CCSER1: variants seen among roughly 807,000 people sequenced by gnomAD.
CCSER1 encodes the protein coiled-coil serine rich protein 1.
CCSER1 carries 41 observed loss-of-function variants against 82.0 expected under a neutral mutation model. That is an observed-to-expected ratio of 0.50 (90% CI 0.39 to 0.65). The LOEUF is 0.65. Ranked by LOEUF, CCSER1 falls within the 30% of genes least tolerant of loss-of-function variation. The pLI is 0.00. For missense variants in CCSER1, 1,119 were observed against 1,064.2 expected (o/e 1.05, Z -0.72); for synonymous variants, 414 against 383.9 (o/e 1.08, Z -0.92).
At chr4:91,511,435 A>G (rs367584416) in intron 10 of CCSER1, among the ~76,000 whole-genome samples, 1 of 152,150 alleles carries the variant, frequency 6.6e-6, no homozygotes, top group Non-Finnish European at 1.5e-5. Flanking sequence ...TTTAATGACA[A>G]TGCTTCCAGG....
At chr4:90,481,559 A>G (rs1423120646) in intron 5 of CCSER1, among the ~76,000 whole-genome samples, 1 of 152,192 alleles carries the variant, frequency 6.6e-6, no homozygotes, top group East Asian at 1.9e-4. Context: ...TACTTAATTT[A>G]TTGAGAGTTT....
intron 7 of CCSER1, among the ~76,000 whole-genome samples, chr4:90,738,719 G>A (rs1447998603): frequency 6.6e-6 from 1 of 152,090 alleles, no homozygotes; most frequent in African/African-American, 2.4e-5. Context: ...TCCCTTCACG[G>A]CACTGAGTTT....
At position 91,572,848 on chromosome 4, in the gene CCSER1, G is replaced by T. The variant is rs188003923; in HGVS notation, c.2218-25724G>T. Among the ~76,000 whole-genome samples the T allele has an allele frequency of 2.7e-3, 412 of 151,764 alleles. 1 individual carries two copies. The highest frequency in any genetic ancestry group is 9.5e-3 in the African/African-American group (393 of 41,358). ...AAAGAAGAAGCCTGTCCATTTCTTG[G>T]TAGAGCAGCTGTGCTGTACTTAGGC... On this transcript the variant is annotated intron_variant, in intron 10 of 10. Transcript: ENST00000509176.
chr4:90,321,382 T>C (rs1333868113), intron 3 of CCSER1, among the ~76,000 whole-genome samples: 2 of 152,170 alleles, frequency 1.3e-5, no homozygotes, highest in Non-Finnish European at 2.9e-5. Context: ...GTTGTTGCAA[T>C]TGACAGGATC....
At chr4:91,005,274 C>A (rs1738402015) in intron 9 of CCSER1, among the ~76,000 whole-genome samples, 1 of 152,102 alleles carries the variant, frequency 6.6e-6, no homozygotes, top group Admixed American at 6.5e-5. Flanking sequence ...CAATAAAATA[C>A]TGGTAATGTT....
chr4:90,484,727 C>T (rs371049552), intron 5 of CCSER1, among the ~76,000 whole-genome samples: 5 of 152,166 alleles, frequency 3.3e-5, no homozygotes, highest in African/African-American at 1.2e-4. Context: ...GATGGTTCCT[C>T]TGGAAGTTTT....
At chr4:91,431,183 C>T (rs1452239216) in intron 10 of CCSER1, among the ~76,000 whole-genome samples, 1 of 152,072 alleles carries the variant, frequency 6.6e-6, no homozygotes, top group Non-Finnish European at 1.5e-5. Context: ...TTAGAGTGAG[C>T]GGAGATGGCG....
At chr4:91,400,775 G>A (rs1752267303) in intron 10 of CCSER1, among the ~76,000 whole-genome samples, 1 of 151,402 alleles carries the variant, frequency 6.6e-6, no homozygotes, top group South Asian at 2.1e-4. Flanking sequence ...TTATGAACAT[G>A]TTCCAATAAT....
At chr4:91,022,138 C>T (rs764717953) in intron 9 of CCSER1, among the ~76,000 whole-genome samples, 3 of 148,442 alleles carry the variant, frequency 2.0e-5, no homozygotes, top group Non-Finnish European at 4.5e-5. Context: ...TCTCCTAATG[C>T]TATCCCTCCC....
At chr4:90,500,901 T>C (rs1247444115) in intron 5 of CCSER1, among the ~76,000 whole-genome samples, 1 of 151,900 alleles carries the variant, frequency 6.6e-6, no homozygotes, top group Admixed American at 6.6e-5. Context: ...ATGATAATAA[T>C]TGGGAAACAA....
At chr4:90,859,753 A>G (rs1465272518) in intron 8 of CCSER1, among the ~76,000 whole-genome samples, 1 of 145,166 alleles carries the variant, frequency 6.9e-6, no homozygotes. Flanking sequence ...TACTAAACAC[A>G]TGTTTCTTTG....
At chr4:91,372,838 A>G (rs1261847568) in intron 10 of CCSER1, among the ~76,000 whole-genome samples, 1 of 152,100 alleles carries the variant, frequency 6.6e-6, no homozygotes, top group Non-Finnish European at 1.5e-5. Flanking sequence ...AACCACCACA[A>G]TCATGACTGT....
chr4:90,327,558 C>T (rs73832748), intron 3 of CCSER1, among the ~76,000 whole-genome samples: 7,868 of 152,226 alleles, frequency 0.052, 278 homozygotes, highest in East Asian at 0.19. Context: ...ACAAGGCAAA[C>T]AGTCGTGACA....
At chr4:90,620,683 A>G (rs1016037755) in intron 5 of CCSER1, among the ~76,000 whole-genome samples, 3 of 152,236 alleles carry the variant, frequency 2.0e-5, no homozygotes, top group Non-Finnish European at 2.9e-5. Context: ...GTAAAAGACA[A>G]ACCTAACACA....
chr4:90,658,642 A>G (rs1440447781), intron 6 of CCSER1, among the ~76,000 whole-genome samples: 2 of 152,286 alleles, frequency 1.3e-5, no homozygotes, highest in East Asian at 3.9e-4. Context: ...ATGACGTTTT[A>G]GGTCTTTGAC....
chr4:91,560,621 C>A (rs1208924615), intron 10 of CCSER1, among the ~76,000 whole-genome samples: 1 of 151,354 alleles, frequency 6.6e-6, no homozygotes, highest in African/African-American at 2.4e-5. Flanking sequence ...CGTTTAATAA[C>A]AAACACAATG....
chr4:90,563,876 G>T (rs1450790248), intron 5 of CCSER1, among the ~76,000 whole-genome samples: 1 of 152,112 alleles, frequency 6.6e-6, no homozygotes, highest in African/African-American at 2.4e-5. Context: ...TTTCTATAAT[G>T]GCTATACTAA....
chr4:91,585,166 G>T (rs1377156334), intron 10 of CCSER1, among the ~76,000 whole-genome samples: 1 of 151,304 alleles, frequency 6.6e-6, no homozygotes, highest in Non-Finnish European at 1.5e-5. Flanking sequence ...CTTCACCTTA[G>T]CAAGTAAGTT....
intron 5 of CCSER1, among the ~76,000 whole-genome samples, chr4:90,618,239 C>T (rs944832782): frequency 3.3e-5 from 5 of 151,976 alleles, no homozygotes; most frequent in Non-Finnish European, 7.4e-5. Context: ...GCTTTAGTTT[C>T]CTAGCCACTA....
Sources: gnomAD v4.1 joint callset for allele counts (sites outside exome capture counted in the v4.1 genomes callset) on GRCh38, gnomAD v4.1.1 for gene constraint, MANE v1.5 for transcripts, NCBI Gene and HGNC (gene_info 2026-07-23, HGNC 2026-07-21) for gene names.